Variants in DAB1 observed in about 807,000 individuals in gnomAD.
DAB1 encodes the protein DAB adaptor protein 1, also known as disabled homolog 1.
Under a neutral mutation model 64.6 loss-of-function variants are expected in DAB1, and 15 were observed. The ratio of observed to expected loss-of-function variants is 0.23; its 90% CI spans 0.16 to 0.36. The LOEUF (loss-of-function observed/expected upper bound fraction) is 0.36, where lower values mean the gene tolerates loss of function less well. Among genes scored for constraint, DAB1 ranks in the 10% least tolerant of loss-of-function variants. The pLI, the probability that DAB1 is intolerant of heterozygous loss-of-function variation, is 1.00. For synonymous variants in DAB1, 235 were observed against 251.9 expected, an observed-to-expected ratio of 0.93 and a Z score of 0.64; for missense variants, 596 against 706.7, an observed-to-expected ratio of 0.84 and a Z score of 1.78.
rs572479508 is a variant in DAB1 at position 58,341,562 on chromosome 1, A to G, written n.309+1790T>C. ...AGTAGATCGTATCTGCAGTTTACAG[A>G]TAAGTGGAATACTCAGATGGGCTGA... is the stretch of plus-strand genomic sequence containing the variant. On this transcript the variant is annotated intron_variant and non_coding_transcript_variant, in intron 4 of 20. Coordinates refer to the DAB1 transcript ENST00000485760. 2.0e-5 allele frequency among the ~76,000 whole-genome samples: 3 copies of G among 152,322 alleles called. No homozygotes were observed. The South Asian group carries it at 6.2e-4, about 32-fold the overall frequency.
rs191670456 is a variant in DAB1, at chr1:57,120,048, C to T, written c.306+16495G>A. Among the ~76,000 whole-genome samples, 6 of 152,108 alleles carry T rather than the reference C, an allele frequency of 3.9e-5. No individual in the cohort carries two copies. In the East Asian group the frequency reaches 1.2e-3, roughly 29 times the overall value. ...TGGCATTTCAGGTGAATTTCTCTGCCTCTACTTTCTCTAATTTCAGCTATG... is the reference window on the plus strand; with the variant it reads ...TGGCATTTCAGGTGAATTTCTCTGCTTCTACTTTCTCTAATTTCAGCTATG... On this transcript the variant is annotated intron_variant, in intron 4 of 14. Transcript: ENST00000371236.
At chr1:58,265,339 A>G (rs574862755) in intron 4 of DAB1, among the ~76,000 whole-genome samples, 1 of 152,330 alleles carries the variant, frequency 6.6e-6, no homozygotes, top group African/African-American at 2.4e-5. Flanking sequence ...CTCTCTCTCA[A>G]GGCAAACTTA....
rs1261815094 is a variant in DAB1 at position 58,301,232 on chromosome 1, A to AG, written n.309+42119dup. ...CAGAAGAGCAGATATGTGGGGGTGG[A>AG]GAGGGGGGGGTCATGAAATTAACTA... On this transcript the variant is annotated intron_variant and non_coding_transcript_variant, in intron 4 of 20. Transcript: ENST00000485760. Among the ~76,000 whole-genome samples the AG allele has an allele frequency of 4.9e-3, 524 of 106,952 alleles. 5 individuals carry two copies. The highest frequency in any genetic ancestry group is 0.013 in the African/African-American group (359 of 28,354). 70.2% of individuals were successfully genotyped at this position (106,952 alleles called of 152,430 possible). A position where few individuals can be genotyped will look rare whatever the true frequency, so the allele number is the denominator to read the frequency against.
chr1:58,507,224 A>G (rs1327307299), intron 2 of DAB1, among the ~76,000 whole-genome samples: 1 of 151,946 alleles, frequency 6.6e-6, no homozygotes, highest in Non-Finnish European at 1.5e-5. Flanking sequence ...ATAATAAGTA[A>G]CTGGAAAACA....
intron 7 of DAB1, among the ~76,000 whole-genome samples, chr1:57,544,860 T>C (rs1347638220): frequency 6.6e-6 from 1 of 152,218 alleles, no homozygotes; most frequent in Admixed American, 6.5e-5. Flanking sequence ...CCACCCGTGA[T>C]TGTAAGTTCC....
chr1:58,070,877 A>G (rs980106081), intron 5 of DAB1, among the ~76,000 whole-genome samples: 2 of 152,180 alleles, frequency 1.3e-5, no homozygotes, highest in African/African-American at 2.4e-5. Flanking sequence ...GCTCAAGGGC[A>G]CAGATGTTGA....
intron 5 of DAB1, among the ~76,000 whole-genome samples, chr1:58,009,972 A>C (rs1646643994): frequency 6.6e-6 from 1 of 152,156 alleles, no homozygotes; most frequent in Non-Finnish European, 1.5e-5. Context: ...TGAAGTATGC[A>C]TTATTATTTT....
At chr1:57,109,142 C>T (rs1655427041) in intron 4 of DAB1, among the ~76,000 whole-genome samples, 2 of 152,186 alleles carry the variant, frequency 1.3e-5, no homozygotes, top group Admixed American at 6.5e-5. Context: ...CTGGCTTTCT[C>T]CCACTGCTTC....
intron 7 of DAB1, among the ~76,000 whole-genome samples, chr1:57,450,136 C>T (rs946338317): frequency 1.3e-5 from 2 of 152,148 alleles, no homozygotes; most frequent in African/African-American, 4.8e-5. Context: ...AGGCACAAAG[C>T]CTTGCTATTA....
chr1:57,295,293 C>T (rs1477395052), intron 1 of DAB1, among the ~76,000 whole-genome samples: 1 of 152,202 alleles, frequency 6.6e-6, no homozygotes, highest in East Asian at 1.9e-4. Context: ...ACTAACGCCA[C>T]TGCAAATTTC....
intron 1 of DAB1, among the ~76,000 whole-genome samples, chr1:57,316,475 G>A (rs1228085307): frequency 6.6e-6 from 1 of 152,070 alleles, no homozygotes; most frequent in Non-Finnish European, 1.5e-5. Flanking sequence ...GGCTACAGAA[G>A]GTGTTTCTCC....
At chr1:58,508,983 C>T (rs1049444959) in intron 2 of DAB1, among the ~76,000 whole-genome samples, 2 of 152,074 alleles carry the variant, frequency 1.3e-5, no homozygotes, top group African/African-American at 4.8e-5. Context: ...GGACCCTAGA[C>T]ACCTAGGCAC....
chr1:58,489,322 C>G (rs184204758), intron 3 of DAB1, among the ~76,000 whole-genome samples: 2 of 152,334 alleles, frequency 1.3e-5, no homozygotes, highest in East Asian at 1.9e-4. Flanking sequence ...AAGGGTCCTA[C>G]GCCCACAGAG....
chr1:58,328,861 C>T (rs1003287807), intron 4 of DAB1, among the ~76,000 whole-genome samples: 4 of 152,172 alleles, frequency 2.6e-5, no homozygotes, highest in African/African-American at 9.7e-5. Flanking sequence ...GCCTCGGCCT[C>T]CCAATCCTGC....
At chr1:57,994,260 T>C (rs1264115417) in intron 5 of DAB1, among the ~76,000 whole-genome samples, 2 of 152,240 alleles carry the variant, frequency 1.3e-5, no homozygotes, top group Non-Finnish European at 2.9e-5. Context: ...TGCATTGATC[T>C]GGATGACATG....
downstream of DAB1, chr1:57,826,065 A>T (rs1281153610): frequency 6.6e-6 from 1 of 152,230 alleles, no homozygotes; most frequent in Non-Finnish European, 1.5e-5. Flanking sequence ...GATTAACCAA[A>T]CTTGCTTCTC....
chr1:57,502,338 A>AAG (rs397935589), intron 7 of DAB1, among the ~76,000 whole-genome samples: 16 of 148,264 alleles, frequency 1.1e-4, no homozygotes, highest in Non-Finnish European at 1.7e-4. Flanking sequence ...AAAAAAAAAA[A>AAG]GAAAGAAAGA....
intron 1 of DAB1, among the ~76,000 whole-genome samples, chr1:57,315,103 C>A (rs1191651657): frequency 6.6e-6 from 1 of 152,142 alleles, no homozygotes; most frequent in African/African-American, 2.4e-5. Context: ...GTCCTTTCTG[C>A]TTCAGGGTCT....
At chr1:57,958,344 GCATT>G (rs894153057) in intron 5 of DAB1, among the ~76,000 whole-genome samples, 2 of 152,246 alleles carry the variant, frequency 1.3e-5, no homozygotes, top group Admixed American at 6.5e-5. Context: ...AGAAAGATCT[GCATT>G]CATTCATTCA....
Sources: allele counts gnomAD v4.1 joint callset (sites outside exome capture counted in the v4.1 genomes callset), GRCh38; gene constraint gnomAD v4.1.1; transcripts MANE v1.5; gene names NCBI Gene and HGNC (gene_info 2026-07-23, HGNC 2026-07-21).